IQGAP1: variants seen among roughly 807,000 people sequenced by gnomAD.
IQGAP1 encodes IQ motif containing GTPase activating protein 1.
In IQGAP1, 66 loss-of-function variants were observed where a neutral mutation model predicts 215.6. The observed-to-expected ratio is 0.31, with a 90% confidence interval of 0.25 to 0.38. The LOEUF (loss-of-function observed/expected upper bound fraction) is 0.38. Among genes scored for constraint, IQGAP1 ranks in the 10% least tolerant of loss-of-function variants. IQGAP1 has a pLI of 1.00. For synonymous variants in IQGAP1, 772 were observed against 728.7 expected (o/e 1.06, Z -0.96); for missense variants, 1,712 against 1,997.1 (o/e 0.86, Z 2.72).
chr15:90,439,469 AATTTTGAAGAC>A (rs1965418393), intron 6 of IQGAP1, 70 bp downstream of exon 6: 1 of 1,249,662 alleles, frequency 8.0e-7, no homozygotes, highest in African/African-American at 1.5e-5. Flanking sequence ...CAGCAGTACC[AATTTTGAAGAC>A]CTAGGGCTTT....
intron 11 of IQGAP1, among the ~76,000 whole-genome samples, chr15:90,449,910 C>T (rs953047933): frequency 1.3e-5 from 2 of 152,116 alleles, no homozygotes; most frequent in African/African-American, 2.4e-5. Context: ...GAAGCACTGA[C>T]GTATGATATT....
chr15:90,429,780 T>C (rs1288384017), intron 4 of IQGAP1, 114 bp downstream of exon 4: 2 of 603,554 alleles, frequency 3.3e-6, no homozygotes, highest in Admixed American at 3.3e-5. Flanking sequence ...TGGTGTTTTT[T>C]TAAATACTAA....
chr15:90,412,511 A>G (rs977829462), intron 2 of IQGAP1, among the ~76,000 whole-genome samples: 1 of 152,168 alleles, frequency 6.6e-6, no homozygotes, highest in Non-Finnish European at 1.5e-5. Context: ...TTATCAGCAC[A>G]TACCACAAGT....
chr15:90,414,175 C>T (rs1344902858), intron 2 of IQGAP1, among the ~76,000 whole-genome samples: 1 of 151,974 alleles, frequency 6.6e-6, no homozygotes, highest in East Asian at 1.9e-4. Flanking sequence ...AAGAAGTTGG[C>T]TGGGTGCAGT....
chr15:90,480,541 GTATT>G (rs796481914), intron 26 of IQGAP1, among the ~76,000 whole-genome samples: 14 of 152,196 alleles, frequency 9.2e-5, no homozygotes, highest in African/African-American at 2.6e-4. Context: ...TAAGTTCCAT[GTATT>G]TATTTATTTC....
At chr15:90,429,724 A>C (rs1965276467) in intron 4 of IQGAP1, 58 bp downstream of exon 4, 2 of 1,083,050 alleles carry the variant, frequency 1.8e-6, no homozygotes, top group African/African-American at 3.2e-5. Flanking sequence ...CATAACCCTC[A>C]AACAACCTGT....
At chr15:90,450,540 C>T (rs987434401) in intron 11 of IQGAP1, among the ~76,000 whole-genome samples, 6 of 151,420 alleles carry the variant, frequency 4.0e-5, no homozygotes, top group Non-Finnish European at 4.4e-5. Flanking sequence ...TCCTGTTTTC[C>T]GTAGCGGCTA....
At chr15:90,433,837 C>T in intron 5 of IQGAP1, 42 bp downstream of exon 5, 1 of 1,171,458 alleles carries the variant, frequency 8.5e-7, no homozygotes, top group Non-Finnish European at 1.2e-6. Flanking sequence ...TTATGAATAA[C>T]ATCTGAATTG....
intron 36 of IQGAP1, chr15:90,496,960 A>C (rs1189228384): frequency 3.8e-6 from 1 of 263,780 alleles, no homozygotes; most frequent in Non-Finnish European, 7.1e-6. Context: ...ATCCCTTCAC[A>C]CGCCACTTGT....
At chr15:90,494,124 A>G (rs1192440665) in intron 35 of IQGAP1, 2 of 152,058 alleles carry the variant, frequency 1.3e-5, no homozygotes, top group African/African-American at 4.8e-5. Context: ...GTTGTTTGTT[A>G]TTATTTTTTA....
intron 15 of IQGAP1, 145 bp downstream of exon 15, chr15:90,456,460 T>C (rs922217087): frequency 3.1e-5 from 22 of 721,272 alleles, no homozygotes; most frequent in Non-Finnish European, 3.7e-5. Flanking sequence ...GACACAAAAA[T>C]GTGAGAGACA....
chr15:90,397,821 TCAATAAACTTTTATC>T (rs1567112833), intron 2 of IQGAP1: 1 of 151,030 alleles, frequency 6.6e-6, no homozygotes, highest in East Asian at 2.0e-4. Context: ...CGGCCTGAAC[TCAATAAACTTTTATC>T]CAAGCACCTG....
Position 90,454,565 on chromosome 15 carries a change from C to G in IQGAP1, c.1612+13C>G. 1 of 1,529,752 alleles carries G rather than the reference C, an allele frequency of 6.5e-7. No homozygotes were observed. The highest frequency in any genetic ancestry group is 8.8e-7 in the Non-Finnish European group (1 of 1,140,734). 94.8% of individuals were successfully genotyped at this position (1,529,752 alleles called of 1,614,324 possible). ...GAGGAACATGAGAGTGAGTTATCTT[C>G]CTGTCCTCCCCAAATAATGTCACCA... On this transcript the variant is annotated intron_variant, in intron 14 of 37. Transcript: ENST00000268182.
At chr15:90,452,306 G>A (rs1965614568) in intron 11 of IQGAP1, among the ~76,000 whole-genome samples, 1 of 152,256 alleles carries the variant, frequency 6.6e-6, no homozygotes. Context: ...AGGGAAAAAG[G>A]AGGTGGGAGC....
rs1417751060 is a variant in IQGAP1, at chr15:90,482,247, A to T, written c.3521A>T (p.Lys1174Met). 1.9e-6 allele frequency: 3 copies of T among 1,614,208 alleles called. No homozygotes were observed. Among genetic ancestry groups the T allele is most frequent in the Admixed American group, 1.7e-5 (1 of 60,030 alleles). ...AKVLKDSLHEKFPDAGEDELL... is the reference protein window; with the variant it reads ...AKVLKDSLHEMFPDAGEDELL... The stretch of plus-strand genomic sequence containing the variant: ...GTGCTGAAGGACTCGTTGCATGAGA[A>T]GTTCCCTGATGCTGGTGAGGATGAG... The change falls in exon 28 of 38, where the codon AAG becomes ATG. Residue 1174 changes from lysine to methionine, a missense_variant. Physicochemically the swap from Lys to Met is moderately conservative, Grantham distance 95 (BLOSUM62 -1). Transcript: ENST00000268182.
At chr15:90,422,826 GCTAGGA>G (rs1402819717) in intron 2 of IQGAP1, among the ~76,000 whole-genome samples, 2 of 151,544 alleles carry the variant, frequency 1.3e-5, no homozygotes, top group African/African-American at 4.8e-5. Flanking sequence ...CTCTCAAGTA[GCTAGGA>G]CTACAGGCAT....
At chr15:90,413,995 C>T (rs1018374356) in intron 2 of IQGAP1, among the ~76,000 whole-genome samples, 1 of 152,124 alleles carries the variant, frequency 6.6e-6, no homozygotes, top group African/African-American at 2.4e-5. Flanking sequence ...ATTCCTGTAT[C>T]TTTAGCCCCT....
chr15:90,462,372 C>A (rs547734170), intron 15 of IQGAP1, among the ~76,000 whole-genome samples: 1 of 152,308 alleles, frequency 6.6e-6, no homozygotes, highest in Admixed American at 6.5e-5. Context: ...CACTCCCCAA[C>A]TCTAATTGAA....
chr15:90,441,767 T>G (rs1965454480), intron 8 of IQGAP1, 83 bp downstream of exon 8: 1 of 984,268 alleles, frequency 1.0e-6, no homozygotes, highest in African/African-American at 1.7e-5. Flanking sequence ...ATCAGTTTTA[T>G]TGAGATGCAG....
Sources: gnomAD v4.1 joint callset for allele counts (sites outside exome capture counted in the v4.1 genomes callset) on GRCh38, gnomAD v4.1.1 for gene constraint, MANE v1.5 for transcripts, NCBI Gene and HGNC (gene_info 2026-07-23, HGNC 2026-07-21) for gene names.